PAPSS1: variants seen among roughly 807,000 people sequenced by gnomAD.
PAPSS1 encodes 3'-phosphoadenosine 5'-phosphosulfate synthase 1.
Under a neutral mutation model 72.0 loss-of-function variants are expected in PAPSS1, and 50 were observed. The observed-to-expected ratio is 0.69, with a 90% CI of 0.55 to 0.88. The LOEUF (loss-of-function observed/expected upper bound fraction) is 0.88. Among genes scored for constraint, PAPSS1 ranks in the 40% least tolerant of loss-of-function variants. The pLI, the probability that PAPSS1 is intolerant of heterozygous loss-of-function variation, is 0.00. For missense variants in PAPSS1, 657 were observed against 782.2 expected (o/e 0.84, Z 1.91); for synonymous variants, 261 against 263.6 (o/e 0.99, Z 0.09).
intron 2 of PAPSS1, among the ~76,000 whole-genome samples, chr4:107,698,006 G>A (rs1723113464): frequency 6.6e-6 from 1 of 152,158 alleles, no homozygotes; most frequent in Non-Finnish European, 1.5e-5. Flanking sequence ...AGCACTTACA[G>A]GAGGAACCAA....
In PAPSS1 at chr4:107,687,146, C is replaced by A. The variant is rs774403367; in HGVS notation, c.443G>T (p.Gly148Val). The A allele has an allele frequency of 6.3e-7, 1 of 1,590,584 alleles. No homozygotes were observed. Among genetic ancestry groups the A allele is most frequent in the Admixed American group, 1.8e-5 (1 of 54,478 alleles). Residue 148 changes from glycine (G) to valine (V), a missense_variant, in exon 4 of 12, where the codon GGT (glycine) becomes GTT (valine). Gly to Val is a moderately radical substitution (Grantham distance 109). Coordinates refer to ENST00000265174, the MANE Select transcript of PAPSS1 (RefSeq NM_005443.5). ...DRNNARQIHE[G>V]ASLPFFEVFV... ...TACTTCAAAAAACGGTAAACTTGCA[C>A]CTTCATGAATTTGCCTTGCATTGTT...
chr4:107,715,538 T>G (rs1038732589), intron 1 of PAPSS1, among the ~76,000 whole-genome samples: 1 of 152,252 alleles, frequency 6.6e-6, no homozygotes, highest in African/African-American at 2.4e-5. Flanking sequence ...AAATCCAGAA[T>G]GTGCTGCTGG....
intron 5 of PAPSS1, 75 bp downstream of exon 5, chr4:107,681,940 T>A (rs959570305): frequency 1.6e-6 from 1 of 640,860 alleles, no homozygotes; most frequent in African/African-American, 1.9e-5. Context: ...AACACCACCA[T>A]TTTTTTTTGG....
At chr4:107,623,252 G>A (rs1016369004) in intron 11 of PAPSS1, among the ~76,000 whole-genome samples, 24 of 151,996 alleles carry the variant, frequency 1.6e-4, no homozygotes, top group Non-Finnish European at 3.5e-4. Flanking sequence ...TGAAGTCTCT[G>A]CAGGTCTGCT....
In PAPSS1 at chr4:107,703,290, T is replaced by C. The variant is rs1170551601; in HGVS notation, c.61-2005A>G. On this transcript the variant is annotated intron_variant, in intron 1 of 11. Transcript: ENST00000265174. ...AGATGTATGGTTTGCAAATATATTC[T>C]CCCATTCTGTAGGTTGTCTCTTCAC... is the stretch of plus-strand genomic sequence containing the variant. Among the ~76,000 whole-genome samples the C allele has an allele frequency of 3.3e-5, 5 of 152,288 alleles. No individual in the cohort carries two copies. In the South Asian group the frequency reaches 8.3e-4, roughly 25 times the overall value.
chr4:107,617,318 G>A (rs988932724), intron 11 of PAPSS1, among the ~76,000 whole-genome samples: 16 of 150,748 alleles, frequency 1.1e-4, no homozygotes, highest in East Asian at 9.8e-4. Flanking sequence ...CTTGGTTCCC[G>A]GTCTAGTTCT....
At chr4:107,665,984 G>A (rs1051819216) in intron 5 of PAPSS1, among the ~76,000 whole-genome samples, 5 of 151,810 alleles carry the variant, frequency 3.3e-5, no homozygotes, top group African/African-American at 1.2e-4. Context: ...CTTTTTTCTT[G>A]AGCCAAATCT....
intron 1 of PAPSS1, among the ~76,000 whole-genome samples, chr4:107,707,502 G>A (rs889756406): frequency 2.0e-5 from 3 of 152,162 alleles, no homozygotes; most frequent in Non-Finnish European, 4.4e-5. Context: ...GGGGCTACGG[G>A]GGCCTGCCTT....
chr4:107,692,277 A>G (rs1722945310), intron 3 of PAPSS1, among the ~76,000 whole-genome samples: 1 of 152,072 alleles, frequency 6.6e-6, no homozygotes, highest in South Asian at 2.1e-4. Flanking sequence ...TGGGATCAAC[A>G]AGGAACTTAA....
chr4:107,619,831 G>A (rs981416439), intron 11 of PAPSS1, among the ~76,000 whole-genome samples: 38 of 152,110 alleles, frequency 2.5e-4, no homozygotes, highest in African/African-American at 8.5e-4. Flanking sequence ...ATCTACAGCA[G>A]ACAGAATGCT....
At chr4:107,677,019 T>C (rs932291657) in intron 5 of PAPSS1, among the ~76,000 whole-genome samples, 25 of 152,190 alleles carry the variant, frequency 1.6e-4, no homozygotes, top group Admixed American at 1.4e-3. Context: ...CCTTACACCT[T>C]ATACAAAAAT....
At chr4:107,643,892 T>C (rs1321386546) in intron 10 of PAPSS1, among the ~76,000 whole-genome samples, 1 of 152,064 alleles carries the variant, frequency 6.6e-6, no homozygotes, top group Non-Finnish European at 1.5e-5. Context: ...CAATGTGAAG[T>C]TAAAAGAAAA....
At chr4:107,685,626 A>G (rs1722764078) in intron 4 of PAPSS1, among the ~76,000 whole-genome samples, 1 of 152,208 alleles carries the variant, frequency 6.6e-6, no homozygotes. Flanking sequence ...TTAATGAGGT[A>G]GAGGGTTGAC....
chr4:107,673,885 C>T (rs924810343), intron 5 of PAPSS1, among the ~76,000 whole-genome samples: 16 of 152,100 alleles, frequency 1.1e-4, no homozygotes, highest in African/African-American at 3.9e-4. Context: ...AGAGTGGGGG[C>T]CAATATTCAA....
chr4:107,700,258 G>C (rs1374789950), intron 2 of PAPSS1, among the ~76,000 whole-genome samples: 1 of 152,156 alleles, frequency 6.6e-6, no homozygotes, highest in African/African-American at 2.4e-5. Context: ...CTGCTGGTAG[G>C]AGAGTAAACT....
At chr4:107,650,296 A>G (rs1198701339) in intron 9 of PAPSS1, among the ~76,000 whole-genome samples, 3 of 152,006 alleles carry the variant, frequency 2.0e-5, no homozygotes, top group African/African-American at 7.3e-5. Context: ...ATAAAATAAC[A>G]CTCCAATTTT....
At chr4:107,627,304 T>C (rs1206083832) in intron 11 of PAPSS1, among the ~76,000 whole-genome samples, 2 of 152,226 alleles carry the variant, frequency 1.3e-5, no homozygotes. Flanking sequence ...AGAATAATTT[T>C]ATTTCCCTCT....
chr4:107,683,223 T>C (rs967222189), intron 4 of PAPSS1, among the ~76,000 whole-genome samples: 16 of 152,142 alleles, frequency 1.1e-4, no homozygotes, highest in Admixed American at 3.3e-4. Flanking sequence ...TTCAAAAATA[T>C]ATACTACAAA....
chr4:107,692,778 G>GTGTATATATATATA (rs531707529), intron 3 of PAPSS1, among the ~76,000 whole-genome samples: 1 of 147,016 alleles, frequency 6.8e-6, no homozygotes, highest in African/African-American at 2.5e-5. Context: ...AACACGGTGT[G>GTGTATATATATATA]TATATATATA....
Sources: gnomAD v4.1 joint callset for allele counts (sites outside exome capture counted in the v4.1 genomes callset) on GRCh38, gnomAD v4.1.1 for gene constraint, MANE v1.5 for transcripts, NCBI Gene and HGNC (gene_info 2026-07-23, HGNC 2026-07-21) for gene names.